COP1: variants seen among roughly 807,000 people sequenced by gnomAD.
The protein encoded by COP1 is E3 ubiquitin-protein ligase COP1.
Under a neutral mutation model 101.3 loss-of-function variants are expected in COP1, and 24 were observed. That is an observed-to-expected ratio of 0.24 (90% CI 0.17 to 0.33). The LOEUF (loss-of-function observed/expected upper bound fraction) is 0.33, where lower values mean the gene tolerates loss of function less well. Ranked by LOEUF, COP1 falls within the 10% of genes least tolerant of loss-of-function variation. The pLI is 1.00. For synonymous variants in COP1, 347 were observed against 341.9 expected (o/e 1.01, Z -0.17); for missense variants, 663 against 906.2 (o/e 0.73, Z 3.45).
intron 9 of COP1, among the ~76,000 whole-genome samples, chr1:176,109,904 A>G (rs1205104035): frequency 1.3e-5 from 2 of 152,010 alleles, no homozygotes; most frequent in Admixed American, 6.6e-5. Flanking sequence ...AAGTTCATTT[A>G]TTTTCATTCT....
intron 1 of COP1, among the ~76,000 whole-genome samples, chr1:176,187,707 A>G (rs1032945760): frequency 6.6e-6 from 1 of 152,190 alleles, no homozygotes; most frequent in East Asian, 1.9e-4. Flanking sequence ...CATTTATATC[A>G]TAGAATCATT....
chr1:176,008,272 C>T (rs1223012936), intron 15 of COP1, among the ~76,000 whole-genome samples: 3 of 152,196 alleles, frequency 2.0e-5, no homozygotes, highest in African/African-American at 4.8e-5. Flanking sequence ...GAACCCGGTA[C>T]CTCAGATGGA....
intron 5 of COP1, 53 bp from the exon 6 acceptor site, chr1:176,149,127 TTTTC>T (rs1692033365): frequency 3.3e-6 from 4 of 1,208,014 alleles, no homozygotes; most frequent in Admixed American, 2.0e-5. Context: ...GAGTTGAAAG[TTTTC>T]TTTAACACCA....
At chr1:176,177,782 AAAAC>A (rs140305433) in intron 2 of COP1, among the ~76,000 whole-genome samples, 4,921 of 152,222 alleles carry the variant, frequency 0.032, 144 homozygotes, top group Non-Finnish European at 0.045. Context: ...AATACAAAAT[AAAAC>A]AAACAAAAAA....
At chr1:175,975,071 G>C (rs1002243672) in intron 18 of COP1, among the ~76,000 whole-genome samples, 2 of 152,052 alleles carry the variant, frequency 1.3e-5, no homozygotes, top group African/African-American at 4.8e-5. Flanking sequence ...AGGGCAGGTA[G>C]GAAATCTCTT....
At chr1:175,971,453 A>T (rs999488549) in intron 18 of COP1, among the ~76,000 whole-genome samples, 3 of 152,186 alleles carry the variant, frequency 2.0e-5, no homozygotes, top group Admixed American at 2.0e-4. Flanking sequence ...TTATATATAA[A>T]TCCCAAAGGG....
intron 1 of COP1, among the ~76,000 whole-genome samples, chr1:176,200,189 T>TA (rs1387143235): frequency 6.6e-6 from 1 of 152,214 alleles, no homozygotes; most frequent in Non-Finnish European, 1.5e-5. Context: ...ACAAGTAACG[T>TA]AAAACCTTTA....
chr1:176,021,325 A>G (rs1666725520), intron 15 of COP1, among the ~76,000 whole-genome samples: 1 of 152,220 alleles, frequency 6.6e-6, no homozygotes, highest in South Asian at 2.1e-4. Context: ...ACACTCAAAA[A>G]GTAGTACAGA....
In COP1 at chr1:175,980,174, C is replaced by A. The variant is rs142484586; in HGVS notation, c.2133+6769G>T. 2.6e-3 allele frequency among the ~76,000 whole-genome samples: 400 copies of A among 152,154 alleles called. 3 individuals carry two copies. Among genetic ancestry groups the A allele is most frequent in the African/African-American group, 9.2e-3 (381 of 41,520 alleles). On this transcript the variant is annotated intron_variant, in intron 18 of 19. Transcript: ENST00000367669. ...AATTCAGCAAGGTCACACAGCTGAT[C>A]AGTGGGGAATCTGAGAGATTTCAAC... is the stretch of plus-strand genomic sequence containing the variant.
chr1:176,057,450 T>C (rs556213434), intron 11 of COP1, among the ~76,000 whole-genome samples: 120 of 152,296 alleles, frequency 7.9e-4, no homozygotes, highest in Admixed American at 2.7e-3. Context: ...TTCTCCTGCC[T>C]CAGCCTGCCG....
In COP1 at chr1:176,184,633, C is replaced by T; in HGVS notation, c.467G>A (p.Cys156Tyr). The change falls in exon 2 of 20, where the codon TGC (cysteine) becomes TAC (tyrosine). Residue 156 changes from cysteine (C) to tyrosine (Y), a missense_variant and splice_region_variant. Cys to Tyr is a radical substitution (Grantham distance 194, BLOSUM62 -2). Around this residue, in one of 4 missense-constraint regions of COP1, gnomAD observed 38 missense variants for 78.5 expected, o/e 0.48. Coordinates refer to ENST00000367669, the MANE Select transcript of COP1 (RefSeq NM_022457.7). The part of the protein sequence containing the change: ...AYMTKCGHSF[C>Y]YKCIHQSLED... The stretch of plus-strand genomic sequence containing the variant: ...ATTTTACTCAATAGAATTGTCTTAC[C>T]AAAAGCTGTGGCCACATTTTGTCAT... 1 of 1,598,138 alleles carries T rather than the reference C, an allele frequency of 6.3e-7. No individual in the cohort carries two copies. The highest frequency in any genetic ancestry group is 8.5e-7 in the Non-Finnish European group (1 of 1,169,744).
chr1:176,206,779 G>A lies in COP1; in HGVS notation c.200C>T (p.Pro67Leu), dbSNP rs1229239883. The A allele has an allele frequency of 7.1e-7, 1 of 1,411,718 alleles. No individual in the cohort carries two copies. The highest frequency in any genetic ancestry group is 9.1e-7 in the Non-Finnish European group (1 of 1,093,660). The allele number at this position is 1,411,718 out of a possible 1,614,324, so 87.4% of individuals were successfully genotyped here. Reference sequence around the variant, plus strand: ...CGATACGGCGGGCGCCACCAACACAGGCCGCACCGGGCCCCCGAGGCCGCC... The same window carrying A: ...CGATACGGCGGGCGCCACCAACACAAGCCGCACCGGGCCCCCGAGGCCGCC... The part of the protein sequence containing the change: ...GSGGLGGPVR[P>L]VLVAPAVSGS... Residue 67 changes from proline (P) to leucine (L), a missense_variant, in exon 1 of 20, where the codon CCT (proline) becomes CTT (leucine). Pro to Leu is a moderately conservative substitution (Grantham distance 98, BLOSUM62 -3). This residue lies in a region of COP1 where 204 missense variants were observed against 203.6 expected (regional missense o/e 1.00). Coordinates refer to ENST00000367669, the MANE Select transcript of COP1 (RefSeq NM_022457.7).
intron 11 of COP1, among the ~76,000 whole-genome samples, chr1:176,055,174 C>T (rs1196851096): frequency 6.6e-6 from 1 of 152,244 alleles, no homozygotes. Context: ...TGGCTCAAGC[C>T]TGTAATCCCA....
At chr1:175,959,709 T>A (rs1175927809) in intron 18 of COP1, among the ~76,000 whole-genome samples, 1 of 152,122 alleles carries the variant, frequency 6.6e-6, no homozygotes, top group Non-Finnish European at 1.5e-5. Context: ...CTTGAATAGA[T>A]AATATACACA....
intron 18 of COP1, among the ~76,000 whole-genome samples, chr1:175,954,392 G>T (rs970467682): frequency 1.3e-5 from 2 of 151,844 alleles, no homozygotes; most frequent in Non-Finnish European, 2.9e-5. Flanking sequence ...TACACATGAC[G>T]TAAGTACAAG....
chr1:176,019,549 C>A (rs183533540), intron 15 of COP1, among the ~76,000 whole-genome samples: 1 of 141,180 alleles, frequency 7.1e-6, no homozygotes, highest in Non-Finnish European at 1.5e-5. Context: ...CAAATCATAA[C>A]AAAAAAAAAA....
chr1:175,957,433 T>C (rs999420566), intron 18 of COP1, among the ~76,000 whole-genome samples: 2 of 152,200 alleles, frequency 1.3e-5, no homozygotes, highest in Non-Finnish European at 2.9e-5. Flanking sequence ...TACAAATTTG[T>C]AGCCTAGGAG....
chr1:176,186,036 A>T (rs973381303), intron 1 of COP1, among the ~76,000 whole-genome samples: 4 of 152,172 alleles, frequency 2.6e-5, no homozygotes, highest in Non-Finnish European at 5.9e-5. Context: ...AATATATACA[A>T]TAATGATAAA....
At chr1:175,946,671 T>C (rs1382381711) in intron 19 of COP1, among the ~76,000 whole-genome samples, 2 of 152,174 alleles carry the variant, frequency 1.3e-5, no homozygotes, top group Non-Finnish European at 2.9e-5. Flanking sequence ...TTGAATCACA[T>C]CTATCAATTT....
Sources: gnomAD v4.1 joint callset for allele counts (sites outside exome capture counted in the v4.1 genomes callset) on GRCh38, gnomAD v4.1.1 for gene constraint, gnomAD v4.1.1 regional missense constraint, MANE v1.5 for transcripts, NCBI Gene and HGNC (gene_info 2026-07-23, HGNC 2026-07-21) for gene names.